The following SPATA17 variants were observed in gnomAD, a reference collection of about 807,000 sequenced individuals.
SPATA17 encodes spermatogenesis-associated protein 17.
Under a neutral mutation model 62.2 loss-of-function variants are expected in SPATA17, and 53 were observed. The ratio of observed to expected loss-of-function variants is 0.85; its 90% CI spans 0.68 to 1.07. The LOEUF is 1.07. Among genes scored for constraint, SPATA17 ranks in the 50% least tolerant of loss-of-function variants. The pLI is 0.00. For synonymous variants in SPATA17, 146 were observed against 146.8 expected, an observed-to-expected ratio of 0.99 and a Z score of 0.04; for missense variants, 466 against 425.5, an observed-to-expected ratio of 1.10 and a Z score of -0.84.
intron 4 of SPATA17, among the ~76,000 whole-genome samples, chr1:217,672,906 G>A (rs1670863586): frequency 6.6e-6 from 1 of 151,930 alleles, no homozygotes; most frequent in Non-Finnish European, 1.5e-5. Context: ...AGTCTCATGC[G>A]GCCCAGATCC....
chr1:217,697,839 C>A (rs1274619755), intron 5 of SPATA17, among the ~76,000 whole-genome samples: 1 of 152,124 alleles, frequency 6.6e-6, no homozygotes, highest in East Asian at 1.9e-4. Flanking sequence ...AATAGATATT[C>A]ATGACTTAAA....
chr1:217,661,570 T>A (rs1670570608), intron 3 of SPATA17, among the ~76,000 whole-genome samples: 1 of 152,180 alleles, frequency 6.6e-6, no homozygotes, highest in Admixed American at 6.5e-5. Context: ...TTTGTTTGCC[T>A]CTTTTTTGCT....
chr1:217,850,485 A>C, intron 9 of SPATA17: 1 of 1,488,476 alleles, frequency 6.7e-7, no homozygotes, highest in Non-Finnish European at 9.3e-7. Flanking sequence ...AGCCTCTTCT[A>C]GCTGCATGCC....
At chr1:217,850,671 CCA>C (rs1259984575) in intron 9 of SPATA17, 1 of 1,490,590 alleles carries the variant, frequency 6.7e-7, no homozygotes, top group Non-Finnish European at 9.2e-7. Flanking sequence ...CTGCGAATCG[CCA>C]GTCATGTCCA....
chr1:217,727,247 C>CAAA (rs370247140), intron 5 of SPATA17, among the ~76,000 whole-genome samples: 51,577 of 132,594 alleles, frequency 0.39, 10,132 homozygotes, highest in Non-Finnish European at 0.46. Context: ...AACTCCGTCT[C>CAAA]AATAATAATA....
chr1:217,673,395 C>T (rs1670872911), intron 4 of SPATA17, among the ~76,000 whole-genome samples: 1 of 152,014 alleles, frequency 6.6e-6, no homozygotes, highest in African/African-American at 2.4e-5. Flanking sequence ...TATCTTAGCT[C>T]CTGGGGCCCT....
chr1:217,770,978 A>ATTTCTTTTTTT (rs1673425172), intron 6 of SPATA17, among the ~76,000 whole-genome samples: 1 of 50,148 alleles, frequency 2.0e-5, no homozygotes. Flanking sequence ...AACTCATTGC[A>ATTTCTTTTTTT]TTTTTTTTTT....
At chr1:217,815,718 T>G (rs1457864902) in intron 9 of SPATA17, among the ~76,000 whole-genome samples, 1 of 152,136 alleles carries the variant, frequency 6.6e-6, no homozygotes, top group Non-Finnish European at 1.5e-5. Context: ...AGTTAGTGGT[T>G]TTAAGAACAA....
intron 5 of SPATA17, among the ~76,000 whole-genome samples, chr1:217,738,224 T>C (rs1468817037): frequency 6.6e-6 from 1 of 152,182 alleles, no homozygotes; most frequent in African/African-American, 2.4e-5. Context: ...AGAAATTTAT[T>C]TGCATGGTTC....
rs182548971 is a variant in SPATA17 at position 217,748,839 on chromosome 1, T to C, written c.519+6741T>C. Among the ~76,000 whole-genome samples the C allele has an allele frequency of 1.9e-3, 286 of 152,214 alleles. 1 individual carries two copies. The highest frequency in any genetic ancestry group is 3.4e-3 in the Middle Eastern group (1 of 294). On this transcript the variant is annotated intron_variant, in intron 6 of 10. Coordinates refer to ENST00000366933, the MANE Select transcript of SPATA17 (RefSeq NM_138796.4). ...CATAAGTGGAGAGATCTTATGCATA[T>C]CAAGTGCTCAATACGTGATTATTCA...
chr1:217,822,475 A>G (rs1674887725), intron 9 of SPATA17, among the ~76,000 whole-genome samples: 1 of 150,562 alleles, frequency 6.6e-6, no homozygotes, highest in South Asian at 2.1e-4. Context: ...TTTTGTTTTT[A>G]TTTATCCTGC....
intron 10 of SPATA17, among the ~76,000 whole-genome samples, chr1:217,864,506 T>C (rs1022796828): frequency 2.6e-5 from 4 of 152,112 alleles, no homozygotes; most frequent in African/African-American, 7.2e-5. Flanking sequence ...TGTATACATA[T>C]ATACATATGT....
intron 5 of SPATA17, among the ~76,000 whole-genome samples, chr1:217,730,678 T>C (rs1303908795): frequency 6.6e-6 from 1 of 152,208 alleles, no homozygotes; most frequent in South Asian, 2.1e-4. Flanking sequence ...TGTTAGTCCA[T>C]GGACTTAGCC....
intron 9 of SPATA17, among the ~76,000 whole-genome samples, chr1:217,812,518 T>C (rs891599931): frequency 6.6e-6 from 1 of 152,146 alleles, no homozygotes; most frequent in African/African-American, 2.4e-5. Flanking sequence ...TTTAATCTAT[T>C]TGCAAACTGC....
At chr1:217,753,544 T>A (rs189474774) in intron 6 of SPATA17, among the ~76,000 whole-genome samples, 18 of 152,210 alleles carry the variant, frequency 1.2e-4, no homozygotes, top group East Asian at 5.8e-4. Flanking sequence ...TGCCTTTTTT[T>A]AATTAACTTA....
intron 5 of SPATA17, among the ~76,000 whole-genome samples, chr1:217,685,293 A>C (rs199757684): frequency 6.6e-6 from 1 of 152,298 alleles, no homozygotes; most frequent in East Asian, 1.9e-4. Flanking sequence ...TGAGCCCTGA[A>C]TAGGAGAAAG....
At chr1:217,843,794 T>G (rs565835141) in intron 9 of SPATA17, among the ~76,000 whole-genome samples, 1 of 152,312 alleles carries the variant, frequency 6.6e-6, no homozygotes, top group South Asian at 2.1e-4. Flanking sequence ...GGCTTGGGCC[T>G]GCAAGCTGTG....
intron 4 of SPATA17, among the ~76,000 whole-genome samples, chr1:217,678,691 A>C (rs1463861380): frequency 6.6e-6 from 1 of 152,214 alleles, no homozygotes; most frequent in Non-Finnish European, 1.5e-5. Context: ...ATTATTTATA[A>C]GACCACTTAC....
chr1:217,779,271 A>T (rs1337923373), intron 7 of SPATA17, among the ~76,000 whole-genome samples: 1 of 151,726 alleles, frequency 6.6e-6, no homozygotes, highest in Admixed American at 6.6e-5. Context: ...ATATATGTAT[A>T]CTTACATATA....
Sources: allele counts gnomAD v4.1 joint callset (sites outside exome capture counted in the v4.1 genomes callset), GRCh38; gene constraint gnomAD v4.1.1; transcripts MANE v1.5; gene names NCBI Gene and HGNC (gene_info 2026-07-23, HGNC 2026-07-21).